Variants in ARHGAP26 observed in about 807,000 individuals in gnomAD.
ARHGAP26 encodes the protein rho GTPase-activating protein 26.
In ARHGAP26, 38 loss-of-function variants were observed where a neutral mutation model predicts 104.8. The ratio of observed to expected loss-of-function variants is 0.36; its 90% CI spans 0.28 to 0.48. The LOEUF is 0.48. Ranked by LOEUF, ARHGAP26 falls within the 20% of genes least tolerant of loss-of-function variation. The pLI, the probability that ARHGAP26 is intolerant of heterozygous loss-of-function variation, is 0.99. For synonymous variants in ARHGAP26, 341 were observed against 340.0 expected (o/e 1.00, Z -0.03); for missense variants, 704 against 947.9 (o/e 0.74, Z 3.38).
chr5:143,019,098 C>T (rs754764907), intron 12 of ARHGAP26, among the ~76,000 whole-genome samples: 4 of 152,124 alleles, frequency 2.6e-5, no homozygotes, highest in Non-Finnish European at 4.4e-5. Context: ...ATTTTGCCAG[C>T]CCTGCTACCC....
chr5:143,094,484 C>T (rs1468576099), intron 17 of ARHGAP26, among the ~76,000 whole-genome samples: 1 of 152,202 alleles, frequency 6.6e-6, no homozygotes. Context: ...CAGAGGGGAA[C>T]GTAATCCCAG....
intron 20 of ARHGAP26, among the ~76,000 whole-genome samples, chr5:143,161,200 C>T (rs760525786): frequency 7.9e-5 from 12 of 151,708 alleles, no homozygotes; most frequent in Non-Finnish European, 1.3e-4. Context: ...TTAGCAGAGA[C>T]GGGGTTTTAC....
Position 142,859,382 on chromosome 5 carries a change from A to G in ARHGAP26, c.155-14018A>G, listed in dbSNP as rs545904799. On this transcript the variant is annotated intron_variant, in intron 1 of 22. Coordinates refer to ENST00000645722, the MANE Select transcript of ARHGAP26 (RefSeq NM_001135608.3). Reference sequence around the variant, plus strand: ...TCCTTTTCAAAAAGCAGACATAAGTACTGTTAAAAGCATTAAAATAGAAAG... The same window carrying G: ...TCCTTTTCAAAAAGCAGACATAAGTGCTGTTAAAAGCATTAAAATAGAAAG... Among the ~76,000 whole-genome samples the G allele has an allele frequency of 3.9e-5, 6 of 152,288 alleles. No homozygotes were observed. In the South Asian group the frequency reaches 1.2e-3, roughly 32 times the overall value.
intron 17 of ARHGAP26, among the ~76,000 whole-genome samples, chr5:143,059,849 G>A (rs1388492416): frequency 6.6e-6 from 1 of 152,134 alleles, no homozygotes; most frequent in Non-Finnish European, 1.5e-5. Flanking sequence ...AATGTGAGTT[G>A]GTTAGAGCTA....
chr5:143,187,753 T>C (rs1168412365), intron 20 of ARHGAP26, among the ~76,000 whole-genome samples: 2 of 152,238 alleles, frequency 1.3e-5, no homozygotes, highest in Non-Finnish European at 2.9e-5. Flanking sequence ...CTTGCAGGAC[T>C]GTTGGGACGA....
chr5:142,896,995 C>T (rs1466327501), intron 6 of ARHGAP26, among the ~76,000 whole-genome samples: 1 of 152,114 alleles, frequency 6.6e-6, no homozygotes, highest in Admixed American at 6.6e-5. Flanking sequence ...ACAGGGCCTA[C>T]CTGTTTTAAT....
chr5:142,842,257 A>T (rs1371943430), intron 1 of ARHGAP26, among the ~76,000 whole-genome samples: 3 of 152,094 alleles, frequency 2.0e-5, no homozygotes, highest in Admixed American at 6.5e-5. Context: ...TCCTCCACCA[A>T]CATTTCAAGA....
intron 1 of ARHGAP26, among the ~76,000 whole-genome samples, chr5:142,787,466 G>A (rs1057199629): frequency 2.0e-5 from 3 of 152,128 alleles, no homozygotes; most frequent in Non-Finnish European, 4.4e-5. Context: ...GCAGGTGCTC[G>A]ATCTAGAATC....
intron 11 of ARHGAP26, among the ~76,000 whole-genome samples, chr5:142,986,868 C>T (rs1307877067): frequency 2.6e-5 from 4 of 152,154 alleles, no homozygotes; most frequent in South Asian, 2.1e-4. Flanking sequence ...GTCTGTATCT[C>T]TGTTTTGGTA....
chr5:142,845,976 CT>C (rs1019563741), intron 1 of ARHGAP26, among the ~76,000 whole-genome samples: 19 of 152,234 alleles, frequency 1.2e-4, no homozygotes, highest in African/African-American at 4.6e-4. Flanking sequence ...TTTTTTTCCC[CT>C]GTGAGACCAA....
intron 1 of ARHGAP26, among the ~76,000 whole-genome samples, chr5:142,782,119 T>G (rs1757637602): frequency 6.6e-6 from 1 of 152,186 alleles, no homozygotes; most frequent in Non-Finnish European, 1.5e-5. Flanking sequence ...TAGGGGCATC[T>G]CCAGAGTTTC....
At chr5:142,932,618 C>T (rs1279984921) in intron 11 of ARHGAP26, among the ~76,000 whole-genome samples, 1 of 152,240 alleles carries the variant, frequency 6.6e-6, no homozygotes, top group African/African-American at 2.4e-5. Flanking sequence ...AGGATCTCAA[C>T]TCCAGTGTTC....
intron 14 of ARHGAP26, among the ~76,000 whole-genome samples, chr5:143,051,707 C>T (rs575259835): frequency 8.6e-4 from 131 of 152,258 alleles, no homozygotes; most frequent in Non-Finnish European, 1.6e-3. Flanking sequence ...GCCCTTTAGC[C>T]GGGCTGTAAT....
At chr5:143,008,282 ATAAACAG>A (rs1317029533) in intron 11 of ARHGAP26, among the ~76,000 whole-genome samples, 5 of 152,262 alleles carry the variant, frequency 3.3e-5, no homozygotes, top group African/African-American at 1.2e-4. Flanking sequence ...ATGTTAGCCA[ATAAACAG>A]TAAAGTTGGA....
chr5:142,997,553 T>G lies in ARHGAP26; in HGVS notation c.1108-16527T>G, dbSNP rs958114560. On this transcript the variant is annotated intron_variant, in intron 11 of 22. Transcript: ENST00000645722. ...CCTCCCAGGTAGCTGGGACTACAGG[T>G]GCATGCCACCCATGCCTGGCTGATT... 4.0e-5 allele frequency among the ~76,000 whole-genome samples: 6 copies of G among 148,988 alleles called. No individual in the cohort carries two copies. In the East Asian group the frequency reaches 1.2e-3, roughly 29 times the overall value.
In ARHGAP26 at chr5:143,226,615, C is replaced by A. The variant is rs1300306606; in HGVS notation, c.*4169C>A. 4 of 208,570 alleles carry A rather than the reference C, an allele frequency of 1.9e-5. No homozygotes were observed. Among genetic ancestry groups the A allele is most frequent in the African/African-American group, 4.6e-5 (2 of 43,860 alleles). 12.9% of individuals were successfully genotyped at this position (208,570 alleles called of 1,614,324 possible). On this transcript the variant is annotated 3_prime_UTR_variant, in exon 23 of 23. Coordinates refer to ENST00000645722, the MANE Select transcript of ARHGAP26 (RefSeq NM_001135608.3). Reference sequence around the variant, plus strand: ...CTTTTCTCCTGTTTTTCAAAATAAACATATATAGGGATGGACCCTGTGCAT... The same window carrying A: ...CTTTTCTCCTGTTTTTCAAAATAAAAATATATAGGGATGGACCCTGTGCAT...
chr5:143,155,991 A>G (rs1245582205), intron 20 of ARHGAP26, among the ~76,000 whole-genome samples: 5 of 152,232 alleles, frequency 3.3e-5, no homozygotes, highest in Non-Finnish European at 7.3e-5. Context: ...GGCATTTTAA[A>G]TCTCAAATTT....
At chr5:142,862,596 A>G (rs1329899111) in intron 1 of ARHGAP26, among the ~76,000 whole-genome samples, 3 of 152,342 alleles carry the variant, frequency 2.0e-5, no homozygotes, top group African/African-American at 7.2e-5. Context: ...GGTGGTACTC[A>G]GATTTCTAAC....
At chr5:143,186,794 G>A (rs902888194) in intron 20 of ARHGAP26, among the ~76,000 whole-genome samples, 6 of 152,214 alleles carry the variant, frequency 3.9e-5, no homozygotes, top group Non-Finnish European at 8.8e-5. Context: ...ACAGGGCTGT[G>A]CTAAGACAGG....
Sources: allele counts gnomAD v4.1 joint callset (sites outside exome capture counted in the v4.1 genomes callset), GRCh38; gene constraint gnomAD v4.1.1; transcripts MANE v1.5; gene names NCBI Gene and HGNC (gene_info 2026-07-23, HGNC 2026-07-21).